The following ZDHHC17 variants were observed in gnomAD, a reference collection of about 807,000 sequenced individuals.
The protein encoded by ZDHHC17 is palmitoyltransferase ZDHHC17.
ZDHHC17 carries 40 observed loss-of-function variants against 90.3 expected under a neutral mutation model. That is an observed-to-expected ratio of 0.44 (90% CI 0.34 to 0.58). The LOEUF is 0.58. Ranked by LOEUF, ZDHHC17 falls within the 20% of genes least tolerant of loss-of-function variation. The pLI is 0.01. For synonymous variants in ZDHHC17, 235 were observed against 252.4 expected, an observed-to-expected ratio of 0.93 and a Z score of 0.65; for missense variants, 614 against 780.8, an observed-to-expected ratio of 0.79 and a Z score of 2.55.
chr12:76,766,427 C>G (rs956526664), intron 1 of ZDHHC17, among the ~76,000 whole-genome samples: 1 of 152,126 alleles, frequency 6.6e-6, no homozygotes, highest in African/African-American at 2.4e-5. Flanking sequence ...ATGAATACGT[C>G]TCTGAGTTCT....
chr12:76,834,312 A>T (rs1953338914), intron 10 of ZDHHC17, among the ~76,000 whole-genome samples: 1 of 152,336 alleles, frequency 6.6e-6, no homozygotes, highest in East Asian at 1.9e-4. Context: ...ACACTTTTGA[A>T]ATATTGACAA....
intron 1 of ZDHHC17, among the ~76,000 whole-genome samples, chr12:76,780,629 G>A (rs978311182): frequency 6.6e-6 from 1 of 152,238 alleles, no homozygotes; most frequent in East Asian, 1.9e-4. Context: ...GTCAACTGCA[G>A]CCTAACATGT....
intron 8 of ZDHHC17, among the ~76,000 whole-genome samples, chr12:76,824,481 A>G (rs1395442698): frequency 2.0e-5 from 3 of 152,024 alleles, no homozygotes; most frequent in Non-Finnish European, 4.4e-5. Flanking sequence ...TTCTTTTTCC[A>G]TGTCACATTG....
chr12:76,806,675 C>T (rs901378105), intron 3 of ZDHHC17, among the ~76,000 whole-genome samples: 3 of 151,914 alleles, frequency 2.0e-5, no homozygotes, highest in Admixed American at 1.3e-4. Context: ...GTGCCTGGCC[C>T]GAATTTTTTG....
chr12:76,811,219 T>TG (rs1215593477), intron 5 of ZDHHC17, among the ~76,000 whole-genome samples: 3 of 152,186 alleles, frequency 2.0e-5, no homozygotes, highest in African/African-American at 7.2e-5. Flanking sequence ...GCCAGGTTTA[T>TG]GGGGGGTCAT....
chr12:76,804,395 A>G (rs1952929855), intron 2 of ZDHHC17, among the ~76,000 whole-genome samples: 1 of 152,250 alleles, frequency 6.6e-6, no homozygotes, highest in Non-Finnish European at 1.5e-5. Context: ...TTCAAGGACC[A>G]AAAGGGTTCA....
intron 16 of ZDHHC17, among the ~76,000 whole-genome samples, chr12:76,850,097 A>C (rs1182497548): frequency 2.0e-5 from 3 of 151,954 alleles, no homozygotes; most frequent in Admixed American, 1.3e-4. Flanking sequence ...TTGTATTTTT[A>C]GTAGAGATGG....
intron 1 of ZDHHC17, among the ~76,000 whole-genome samples, chr12:76,794,036 C>A (rs1046713894): frequency 6.6e-6 from 1 of 152,002 alleles, no homozygotes; most frequent in African/African-American, 2.4e-5. Context: ...CAGGCGCCTG[C>A]CACCATGCTG....
In ZDHHC17 at chr12:76,800,948, C is replaced by T. The variant is rs147538369; in HGVS notation, c.197+3411C>T. On this transcript the variant is annotated intron_variant, in intron 2 of 16. Coordinates refer to ENST00000426126, the MANE Select transcript of ZDHHC17 (RefSeq NM_015336.4). Reference sequence around the variant, plus strand: ...TATCGCCTAGGCTGGAGTGCCATGGCGCAATCTCAGCTCATTGCCATCTCC... The same window carrying T: ...TATCGCCTAGGCTGGAGTGCCATGGTGCAATCTCAGCTCATTGCCATCTCC... Among the ~76,000 whole-genome samples, 26 of 138,370 alleles carry T rather than the reference C, an allele frequency of 1.9e-4. No homozygotes were observed. The East Asian group carries it at 4.1e-3, about 22-fold the overall frequency. 90.8% of individuals were successfully genotyped at this position (138,370 alleles called of 152,430 possible).
At chr12:76,769,643 A>G (rs894475266) in intron 1 of ZDHHC17, among the ~76,000 whole-genome samples, 1 of 152,128 alleles carries the variant, frequency 6.6e-6, no homozygotes, top group Admixed American at 6.5e-5. Flanking sequence ...AATAATCTAG[A>G]TTTTAAAATA....
chr12:76,803,807 TG>T (rs1952921999), intron 2 of ZDHHC17, among the ~76,000 whole-genome samples: 1 of 152,212 alleles, frequency 6.6e-6, no homozygotes, highest in African/African-American at 2.4e-5. Flanking sequence ...AGCACTCTTC[TG>T]GTGGTCAACT....
Position 76,782,600 on chromosome 12 carries a change from T to C in ZDHHC17, c.94-14834T>C, listed in dbSNP as rs547655060. On this transcript the variant is annotated intron_variant, in intron 1 of 16. Transcript: ENST00000426126. Reference sequence around the variant, plus strand: ...CCTGCTCAGCAGACACAACCTCAGATATGTTCCACTGGAGTAGGAGCTGAG... The same window carrying C: ...CCTGCTCAGCAGACACAACCTCAGACATGTTCCACTGGAGTAGGAGCTGAG... 7.2e-5 allele frequency among the ~76,000 whole-genome samples: 11 copies of C among 152,190 alleles called. 1 individual carries two copies. Among genetic ancestry groups the C allele is most frequent in the South Asian group, 4.1e-4 (2 of 4,820 alleles).
At chr12:76,772,850 G>T (rs976918490) in intron 1 of ZDHHC17, among the ~76,000 whole-genome samples, 1 of 151,042 alleles carries the variant, frequency 6.6e-6, no homozygotes, top group Non-Finnish European at 1.5e-5. Flanking sequence ...CGGCCTTAAC[G>T]CTTGTTTTTG....
intron 2 of ZDHHC17, among the ~76,000 whole-genome samples, chr12:76,798,867 TG>T (rs754287158): frequency 2.0e-5 from 3 of 152,138 alleles, no homozygotes; most frequent in Non-Finnish European, 4.4e-5. Flanking sequence ...ACCAAAGGGA[TG>T]GTGCCAAAGC....
chr12:76,785,547 T>C (rs777205834), intron 1 of ZDHHC17, among the ~76,000 whole-genome samples: 2 of 152,196 alleles, frequency 1.3e-5, no homozygotes, highest in Non-Finnish European at 2.9e-5. Flanking sequence ...GATAAACCCA[T>C]CGTAAACTTG....
chr12:76,820,848 T>C (rs1368485137), intron 7 of ZDHHC17, among the ~76,000 whole-genome samples: 4 of 152,192 alleles, frequency 2.6e-5, no homozygotes, highest in Admixed American at 2.0e-4. Context: ...ATTCTTGCTG[T>C]TGTTGCTATT....
At chr12:76,777,271 A>G (rs944536692) in intron 1 of ZDHHC17, among the ~76,000 whole-genome samples, 7 of 152,214 alleles carry the variant, frequency 4.6e-5, no homozygotes, top group African/African-American at 1.4e-4. Context: ...AATGTTACAT[A>G]AGTGGGATCA....
intron 1 of ZDHHC17, among the ~76,000 whole-genome samples, chr12:76,774,033 T>G (rs1393110735): frequency 6.6e-6 from 1 of 152,132 alleles, no homozygotes; most frequent in Non-Finnish European, 1.5e-5. Context: ...GAGGATCGCT[T>G]GAGCCTAGCA....
chr12:76,820,480 C>G (rs554597768), intron 7 of ZDHHC17, among the ~76,000 whole-genome samples: 2 of 152,218 alleles, frequency 1.3e-5, no homozygotes, highest in Admixed American at 1.3e-4. Context: ...TTGGAAGGAA[C>G]AGTTAATCTC....
Sources: allele counts gnomAD v4.1 joint callset (sites outside exome capture counted in the v4.1 genomes callset), GRCh38; gene constraint gnomAD v4.1.1; transcripts MANE v1.5; gene names NCBI Gene and HGNC (gene_info 2026-07-23, HGNC 2026-07-21).